The following ERBB4 variants were observed in gnomAD, a reference collection of about 807,000 sequenced individuals.
ERBB4 encodes receptor tyrosine-protein kinase erbB-4.
Under a neutral mutation model 158.0 loss-of-function variants are expected in ERBB4, and 42 were observed. The observed-to-expected ratio is 0.27, with a 90% CI of 0.21 to 0.34. ERBB4 has a LOEUF of 0.34. Among genes scored for constraint, ERBB4 ranks in the 10% least tolerant of loss-of-function variants. The probability of loss-of-function intolerance (pLI) is 1.00; values close to 1 mark genes in which losing one functional copy is unlikely to be tolerated. For synonymous variants in ERBB4, 583 were observed against 558.7 expected (o/e 1.04, Z -0.61); for missense variants, 1,333 against 1,624.1 (o/e 0.82, Z 3.08).
chr2:211,563,434 A>G (rs974360334), intron 19 of ERBB4, among the ~76,000 whole-genome samples: 21 of 152,210 alleles, frequency 1.4e-4, no homozygotes, highest in Non-Finnish European at 2.6e-4. Flanking sequence ...ACATTCTGCA[A>G]AGAAACTGGC....
chr2:211,948,874 C>A (rs529329754), intron 2 of ERBB4, among the ~76,000 whole-genome samples: 40 of 152,244 alleles, frequency 2.6e-4, no homozygotes, highest in Non-Finnish European at 5.1e-4. Context: ...TCCCCAAACT[C>A]CAGATTTATA....
intron 2 of ERBB4, among the ~76,000 whole-genome samples, chr2:211,962,510 G>A (rs540274822): frequency 6.6e-6 from 1 of 152,236 alleles, no homozygotes; most frequent in African/African-American, 2.4e-5. Flanking sequence ...TAATGTAGGA[G>A]TCTATAATTT....
At chr2:212,416,647 C>T (rs189510208) in intron 1 of ERBB4, among the ~76,000 whole-genome samples, 2 of 152,056 alleles carry the variant, frequency 1.3e-5, no homozygotes, top group African/African-American at 4.8e-5. Flanking sequence ...TTTCATGAAA[C>T]ACCAAGTTCA....
intron 1 of ERBB4, among the ~76,000 whole-genome samples, chr2:212,490,622 T>C (rs563672932): frequency 2.0e-5 from 3 of 151,968 alleles, no homozygotes; most frequent in Admixed American, 1.3e-4. Flanking sequence ...ATCTGAATAG[T>C]GTGTGAAAGA....
intron 1 of ERBB4, among the ~76,000 whole-genome samples, chr2:212,191,923 G>T (rs2082254455): frequency 8.8e-6 from 1 of 114,026 alleles, no homozygotes; most frequent in African/African-American, 3.2e-5. Flanking sequence ...TGTTATATAT[G>T]TTATATATTA....
intron 2 of ERBB4, among the ~76,000 whole-genome samples, chr2:212,113,107 A>G (rs1020327389): frequency 1.3e-5 from 2 of 152,172 alleles, no homozygotes; most frequent in Non-Finnish European, 2.9e-5. Flanking sequence ...AAGGGTGGGG[A>G]TGAAAATACA....
intron 3 of ERBB4, among the ~76,000 whole-genome samples, chr2:211,941,924 G>T (rs1286237614): frequency 6.6e-6 from 1 of 152,022 alleles, no homozygotes; most frequent in Non-Finnish European, 1.5e-5. Context: ...CAAGTTCCCT[G>T]CTTTCTTTCT....
intron 1 of ERBB4, among the ~76,000 whole-genome samples, chr2:212,162,078 TCTA>T (rs1174328364): frequency 6.6e-6 from 1 of 151,824 alleles, no homozygotes; most frequent in Non-Finnish European, 1.5e-5. Context: ...ACCCAGCAAT[TCTA>T]CTTCTTGGTA....
At chr2:211,622,268 A>G (rs1475883810) in intron 18 of ERBB4, among the ~76,000 whole-genome samples, 3 of 152,192 alleles carry the variant, frequency 2.0e-5, no homozygotes, top group Non-Finnish European at 2.9e-5. Flanking sequence ...TTCTAGCACA[A>G]TCTAAATTGA....
intron 1 of ERBB4, among the ~76,000 whole-genome samples, chr2:212,335,085 G>A (rs1425560703): frequency 6.6e-6 from 1 of 151,838 alleles, no homozygotes; most frequent in East Asian, 1.9e-4. Context: ...GAGCTATTCT[G>A]TAAAACATAA....
intron 1 of ERBB4, among the ~76,000 whole-genome samples, chr2:212,331,056 T>TTTTATATATATATATATATATATATATA (rs1195085255): frequency 3.9e-5 from 1 of 25,330 alleles, no homozygotes; most frequent in African/African-American, 6.4e-5. Flanking sequence ...TATTTGTAAT[T>TTTTATATATATATATATATATATATATA]TGTATATATA....
intron 19 of ERBB4, among the ~76,000 whole-genome samples, chr2:211,585,647 T>C (rs1345078891): frequency 6.6e-6 from 1 of 152,066 alleles, no homozygotes; most frequent in Non-Finnish European, 1.5e-5. Context: ...ACAGCTTCAA[T>C]ATAGACACTG....
chr2:211,847,574 C>G (rs145872244), intron 3 of ERBB4, among the ~76,000 whole-genome samples: 1 of 152,076 alleles, frequency 6.6e-6, no homozygotes, highest in African/African-American at 2.4e-5. Context: ...CACATGTGGC[C>G]CAGAACAGCT....
At chr2:211,420,727 AT>A (rs869033504) in intron 24 of ERBB4, 116 bp from the exon 25 acceptor site, 2 of 938,774 alleles carry the variant, frequency 2.1e-6, no homozygotes, top group Non-Finnish European at 3.3e-6. Flanking sequence ...TCATACACAC[AT>A]TTTAAAAAAA....
chr2:211,939,865 T>A (rs1457598184), intron 3 of ERBB4, among the ~76,000 whole-genome samples: 2 of 151,456 alleles, frequency 1.3e-5, no homozygotes, highest in Admixed American at 1.3e-4. Context: ...GAGAATGGCA[T>A]GAACCCGGGA....
intron 4 of ERBB4, among the ~76,000 whole-genome samples, chr2:211,761,709 G>T (rs1356761800): frequency 6.6e-6 from 1 of 152,136 alleles, no homozygotes; most frequent in Non-Finnish European, 1.5e-5. Flanking sequence ...TTCTAAAGGA[G>T]AATGTGATAG....
At chr2:212,500,411 T>C (rs1690823148) in intron 1 of ERBB4, among the ~76,000 whole-genome samples, 1 of 152,150 alleles carries the variant, frequency 6.6e-6, no homozygotes, top group African/African-American at 2.4e-5. Context: ...ACTCTCATAC[T>C]GTAATATGAA....
chr2:211,755,745 A>T (rs1385359917), intron 4 of ERBB4, among the ~76,000 whole-genome samples: 1 of 152,220 alleles, frequency 6.6e-6, no homozygotes, highest in Non-Finnish European at 1.5e-5. Flanking sequence ...TAAGAGTCAC[A>T]AATTCATCTA....
intron 3 of ERBB4, among the ~76,000 whole-genome samples, chr2:211,870,209 T>G (rs975459843): frequency 1.3e-5 from 2 of 152,196 alleles, no homozygotes; most frequent in African/African-American, 4.8e-5. Context: ...ATTATTTTAA[T>G]GCATGTCATT....
Sources: allele counts gnomAD v4.1 joint callset (sites outside exome capture counted in the v4.1 genomes callset), GRCh38; gene constraint gnomAD v4.1.1; transcripts MANE v1.5; gene names NCBI Gene and HGNC (gene_info 2026-07-23, HGNC 2026-07-21).